Variants in SNTG2 observed in about 807,000 individuals in gnomAD.
SNTG2 encodes gamma-2-syntrophin.
In SNTG2, 74 loss-of-function variants were observed where a neutral mutation model predicts 70.9. The observed-to-expected ratio is 1.04, with a 90% CI of 0.86 to 1.27. SNTG2 has a LOEUF of 1.27. Ranked by LOEUF, SNTG2 falls within the 50% of genes most tolerant of loss-of-function variation. The pLI, the probability that SNTG2 is intolerant of heterozygous loss-of-function variation, is 0.00. For synonymous variants in SNTG2, 278 were observed against 273.8 expected (o/e 1.02, Z -0.15); for missense variants, 717 against 690.7 (o/e 1.04, Z -0.43).
chr2:1,338,746 C>T (rs1222786921), intron 16 of SNTG2, among the ~76,000 whole-genome samples: 1 of 152,166 alleles, frequency 6.6e-6, no homozygotes, highest in Non-Finnish European at 1.5e-5. Context: ...TTCATGGATA[C>T]ATCATATTTT....
intron 16 of SNTG2, among the ~76,000 whole-genome samples, chr2:1,329,897 G>A (rs1659429903): frequency 6.6e-6 from 1 of 152,176 alleles, no homozygotes; most frequent in African/African-American, 2.4e-5. Context: ...ATCCTATATA[G>A]TGACTAAACA....
rs1232510111 is a variant in SNTG2 at position 1,122,689 on chromosome 2, T to C, written c.326-14933T>C. On this transcript the variant is annotated intron_variant, in intron 4 of 16. Coordinates refer to ENST00000308624, the MANE Select transcript of SNTG2 (RefSeq NM_018968.4). ...CCAGTCTTGCCGATTTTATTCAACATGACACTGGAAGTACTTGCAATTAGC... is the reference window on the plus strand; with the variant it reads ...CCAGTCTTGCCGATTTTATTCAACACGACACTGGAAGTACTTGCAATTAGC... Among the ~76,000 whole-genome samples the C allele has an allele frequency of 4.2e-5, 6 of 141,202 alleles. No homozygotes were observed. The East Asian group carries it at 1.2e-3, about 29-fold the overall frequency. 92.6% of individuals were successfully genotyped at this position (141,202 alleles called of 152,430 possible).
intron 1 of SNTG2, among the ~76,000 whole-genome samples, chr2:1,078,654 A>C (rs1473063267): frequency 6.6e-6 from 1 of 152,132 alleles, no homozygotes; most frequent in Non-Finnish European, 1.5e-5. Flanking sequence ...TTGTTCAGAG[A>C]ATGATGTTAC....
At chr2:1,144,016 C>T (rs1304622028) in intron 6 of SNTG2, among the ~76,000 whole-genome samples, 1 of 152,150 alleles carries the variant, frequency 6.6e-6, no homozygotes, top group Non-Finnish European at 1.5e-5. Context: ...CCACAGTTGA[C>T]AGTGTTGAAG....
At chr2:1,188,160 G>A (rs4971407) in intron 8 of SNTG2, among the ~76,000 whole-genome samples, 35,780 of 152,180 alleles carry the variant, frequency 0.24, 4,928 homozygotes, top group East Asian at 0.44. Context: ...AATGAGGTGA[G>A]TGGATGTAAA....
At chr2:1,112,673 T>C (rs1270156905) in intron 4 of SNTG2, among the ~76,000 whole-genome samples, 1 of 151,146 alleles carries the variant, frequency 6.6e-6, no homozygotes, top group Non-Finnish European at 1.5e-5. Context: ...CTTACAGTCC[T>C]TTGAGGAGAA....
chr2:984,665 A>C (rs1266262956), intron 1 of SNTG2, among the ~76,000 whole-genome samples: 2 of 152,082 alleles, frequency 1.3e-5, no homozygotes, highest in Non-Finnish European at 2.9e-5. Flanking sequence ...CACTTGGCAC[A>C]TCCTGCCATC....
At chr2:982,588 A>G (rs776479518) in intron 1 of SNTG2, among the ~76,000 whole-genome samples, 1 of 152,238 alleles carries the variant, frequency 6.6e-6, no homozygotes, top group Non-Finnish European at 1.5e-5. Context: ...AATCAAAAAC[A>G]TCTTCAGATT....
intron 1 of SNTG2, among the ~76,000 whole-genome samples, chr2:960,689 A>C (rs1186857180): frequency 7.5e-6 from 1 of 132,966 alleles, no homozygotes; most frequent in African/African-American, 3.0e-5. Flanking sequence ...GAGCATGGTG[A>C]GCTCTGAGGG....
chr2:1,339,258 C>A (rs1354893016), intron 16 of SNTG2, among the ~76,000 whole-genome samples: 1 of 152,144 alleles, frequency 6.6e-6, no homozygotes, highest in African/African-American at 2.4e-5. Context: ...AAATTCTGGA[C>A]ATTAAATCCT....
chr2:978,486 G>A (rs966483929), intron 1 of SNTG2, among the ~76,000 whole-genome samples: 3 of 151,980 alleles, frequency 2.0e-5, no homozygotes, highest in Non-Finnish European at 4.4e-5. Context: ...GGAATTTTGG[G>A]GGATGCCATA....
At chr2:1,253,080 C>T (rs745510073) in intron 12 of SNTG2, among the ~76,000 whole-genome samples, 18 of 152,050 alleles carry the variant, frequency 1.2e-4, no homozygotes, top group Middle Eastern at 3.2e-3. Context: ...GGATCAGAGA[C>T]AGGTTGTTAA....
At chr2:1,303,667 A>T (rs571344672) in intron 14 of SNTG2, among the ~76,000 whole-genome samples, 2 of 152,296 alleles carry the variant, frequency 1.3e-5, no homozygotes, top group South Asian at 4.1e-4. Flanking sequence ...TAAAACAAAG[A>T]GCTGTTTCTT....
chr2:1,297,354 A>G (rs981913275), intron 14 of SNTG2, among the ~76,000 whole-genome samples: 2 of 152,246 alleles, frequency 1.3e-5, no homozygotes, highest in Admixed American at 1.3e-4. Flanking sequence ...TTACTTTGCC[A>G]TCTGATATTT....
At chr2:1,008,475 A>G (rs1659635397) in intron 1 of SNTG2, among the ~76,000 whole-genome samples, 1 of 152,206 alleles carries the variant, frequency 6.6e-6, no homozygotes, top group Non-Finnish European at 1.5e-5. Context: ...GACAATCATC[A>G]CATACCAGTA....
intron 14 of SNTG2, among the ~76,000 whole-genome samples, chr2:1,293,983 G>C (rs541369758): frequency 6.6e-6 from 1 of 152,302 alleles, no homozygotes; most frequent in South Asian, 2.1e-4. Flanking sequence ...ACAGCCCAAC[G>C]CTGGGGTCCA....
intron 9 of SNTG2, among the ~76,000 whole-genome samples, chr2:1,217,927 C>T (rs748159390): frequency 5.3e-5 from 8 of 151,984 alleles, no homozygotes; most frequent in African/African-American, 1.2e-4. Flanking sequence ...CGGCAGCTCC[C>T]GGCTGGTCCT....
rs1553362403 is a variant in SNTG2 at position 1,222,139 on chromosome 2, C to CTG, written c.719+12910_719+12911insGT. On this transcript the variant is annotated intron_variant, in intron 9 of 16. Coordinates refer to ENST00000308624, the MANE Select transcript of SNTG2 (RefSeq NM_018968.4). ...TGTCTCTCTCTGTCTCTCTCTGTCT[C>CTG]TCTCTGTCTCTGCCTATCTCTGTCT... 4.0e-4 allele frequency among the ~76,000 whole-genome samples: 47 copies of CTG among 116,108 alleles called. 6 individuals carry two copies. In the East Asian group the frequency reaches 7.1e-3, roughly 18 times the overall value. 76.2% of individuals were successfully genotyped at this position (116,108 alleles called of 152,430 possible). A position where few individuals can be genotyped will look rare whatever the true frequency, so the allele number is the denominator to read the frequency against.
At chr2:1,223,518 A>G (rs559946528) in intron 9 of SNTG2, among the ~76,000 whole-genome samples, 16 of 152,296 alleles carry the variant, frequency 1.1e-4, no homozygotes, top group African/African-American at 3.6e-4. Context: ...CCCCACAACC[A>G]CAGCTGTGGC....
Sources: gnomAD v4.1 joint callset for allele counts (sites outside exome capture counted in the v4.1 genomes callset) on GRCh38, gnomAD v4.1.1 for gene constraint, MANE v1.5 for transcripts, NCBI Gene and HGNC (gene_info 2026-07-23, HGNC 2026-07-21) for gene names.